Variants in PTPRG observed in about 807,000 individuals in gnomAD.
PTPRG encodes receptor-type tyrosine-protein phosphatase gamma.
Under a neutral mutation model 165.3 loss-of-function variants are expected in PTPRG, and 102 were observed. The ratio of observed to expected loss-of-function variants is 0.62; its 90% confidence interval spans 0.53 to 0.73. The LOEUF (loss-of-function observed/expected upper bound fraction) is 0.73. Among genes scored for constraint, PTPRG ranks in the 30% least tolerant of loss-of-function variants. The pLI is 0.00. For missense variants in PTPRG, 1,866 were observed against 1,861.4 expected (o/e 1.00, Z -0.05); for synonymous variants, 675 against 669.5 (o/e 1.01, Z -0.13).
At chr3:62,053,333 C>T (rs1238421052) in intron 4 of PTPRG, among the ~76,000 whole-genome samples, 1 of 141,054 alleles carries the variant, frequency 7.1e-6, no homozygotes, top group African/African-American at 2.6e-5. Flanking sequence ...GTGGTGCTAT[C>T]TCAGCTCACT....
intron 2 of PTPRG, among the ~76,000 whole-genome samples, chr3:61,907,806 G>T (rs534493520): frequency 3.9e-5 from 6 of 152,090 alleles, no homozygotes; most frequent in Non-Finnish European, 8.8e-5. Context: ...AGAGACCAAG[G>T]TACAGGTCTG....
chr3:62,074,334 CTTTCT>C (rs370443593), intron 4 of PTPRG, among the ~76,000 whole-genome samples: 10 of 129,240 alleles, frequency 7.7e-5, no homozygotes, highest in Non-Finnish European at 1.2e-4. Flanking sequence ...TCTTTTTTTC[CTTTCT>C]TTTCTTTTCT....
chr3:61,802,726 C>T (rs1383185581), intron 2 of PTPRG, among the ~76,000 whole-genome samples: 1 of 152,018 alleles, frequency 6.6e-6, no homozygotes, highest in Non-Finnish European at 1.5e-5. Flanking sequence ...TGTGGAGAGC[C>T]TCTTTGTATG....
chr3:62,157,137 G>T lies in PTPRG; in HGVS notation c.753G>T (p.Arg251=), dbSNP rs946861469. 12 of 1,613,162 alleles carry T rather than the reference G, an allele frequency of 7.4e-6. No homozygotes were observed. The African/African-American group carries it at 1.6e-4, about 22-fold the overall frequency. The stretch of plus-strand genomic sequence containing the variant: ...CTGCATCCCTGGGCAGCTATTATCG[G>T]TACACAGGTTCCTTGACCACACCAC... ...LLPASLGSYY[R]YTGSLTTPPC... Residue 251 remains arginine, a synonymous_variant, in exon 7 of 30, where the codon CGG becomes CGT. Transcript: ENST00000474889.
At chr3:61,851,033 C>CTT (rs1236475354) in intron 2 of PTPRG, among the ~76,000 whole-genome samples, 1 of 152,188 alleles carries the variant, frequency 6.6e-6, no homozygotes, top group African/African-American at 2.4e-5. Context: ...AACTCTCCCT[C>CTT]TTTTTGCCTG....
intron 4 of PTPRG, among the ~76,000 whole-genome samples, chr3:62,010,249 T>C (rs1407704713): frequency 1.3e-5 from 2 of 152,176 alleles, no homozygotes; most frequent in Non-Finnish European, 2.9e-5. Flanking sequence ...AAATACTTTC[T>C]TGAAGATTTA....
intron 2 of PTPRG, among the ~76,000 whole-genome samples, chr3:61,868,311 T>C (rs1332947833): frequency 1.3e-5 from 2 of 152,186 alleles, no homozygotes; most frequent in Non-Finnish European, 2.9e-5. Flanking sequence ...TACAATCTTC[T>C]CACAATTTCT....
chr3:61,677,454 C>G (rs1053038974), intron 1 of PTPRG, among the ~76,000 whole-genome samples: 2 of 152,120 alleles, frequency 1.3e-5, no homozygotes, highest in African/African-American at 2.4e-5. Context: ...AGTTGCACAG[C>G]TAGATATAGA....
At chr3:61,607,037 G>T (rs1701029970) in intron 1 of PTPRG, among the ~76,000 whole-genome samples, 1 of 152,218 alleles carries the variant, frequency 6.6e-6, no homozygotes, top group Non-Finnish European at 1.5e-5. Flanking sequence ...CAGCCTCAGG[G>T]AATAGCATTG....
intron 4 of PTPRG, among the ~76,000 whole-genome samples, chr3:62,019,612 T>C (rs2107757037): frequency 6.6e-6 from 1 of 152,052 alleles, no homozygotes; most frequent in Non-Finnish European, 1.5e-5. Context: ...CAATGTATAC[T>C]TGAAAATTGC....
In PTPRG at chr3:62,033,043, A is replaced by G. The variant is rs1559757704; in HGVS notation, c.519+29546A>G. 3.3e-5 allele frequency among the ~76,000 whole-genome samples: 5 copies of G among 152,308 alleles called. No homozygotes were observed. The South Asian group carries it at 1.0e-3, about 32-fold the overall frequency. On this transcript the variant is annotated intron_variant, in intron 4 of 29. Transcript: ENST00000474889. ...ACATTGGATGTTCAATTTGCCTGTG[A>G]CATGCTGGTATAGATGCCCTATAAA...
chr3:61,939,770 A>G (rs907017150), intron 2 of PTPRG, among the ~76,000 whole-genome samples: 3 of 152,092 alleles, frequency 2.0e-5, no homozygotes, highest in Non-Finnish European at 4.4e-5. Context: ...TCATGAAGAG[A>G]TGGAGTTTCT....
intron 1 of PTPRG, among the ~76,000 whole-genome samples, chr3:61,565,459 T>C (rs185276782): frequency 6.6e-6 from 1 of 152,208 alleles, no homozygotes; most frequent in African/African-American, 2.4e-5. Flanking sequence ...CCCCAACACC[T>C]TATTATTTTA....
At chr3:62,179,120 A>G (rs983563231) in intron 8 of PTPRG, among the ~76,000 whole-genome samples, 1 of 152,224 alleles carries the variant, frequency 6.6e-6, no homozygotes, top group African/African-American at 2.4e-5. Flanking sequence ...GTATCTGTCC[A>G]GGAATATGGA....
chr3:61,753,705 C>T (rs1949694), intron 2 of PTPRG: 9,375 of 408,282 alleles, frequency 0.023, 245 homozygotes, highest in African/African-American at 0.084. Flanking sequence ...GCAATTCTCA[C>T]GCTTCAGCCT....
intron 1 of PTPRG, among the ~76,000 whole-genome samples, chr3:61,658,784 A>G (rs557938366): frequency 5.3e-5 from 8 of 152,326 alleles, no homozygotes; most frequent in Middle Eastern, 3.4e-3. Context: ...ACTCATGGCC[A>G]TGATCTAGTG....
chr3:62,003,598 A>G (rs1340828876), intron 4 of PTPRG, 101 bp downstream of exon 4: 1 of 1,418,538 alleles, frequency 7.0e-7, no homozygotes, highest in African/African-American at 1.4e-5. Flanking sequence ...TCACAGCTGT[A>G]CAGTACCTAA....
chr3:61,975,216 G>A (rs938079621), intron 2 of PTPRG, among the ~76,000 whole-genome samples: 9 of 152,188 alleles, frequency 5.9e-5, no homozygotes, highest in African/African-American at 2.2e-4. Context: ...CCGTTTACTA[G>A]GGGAATGATC....
chr3:61,968,840 G>T (rs1389889111), intron 2 of PTPRG, among the ~76,000 whole-genome samples: 1 of 152,154 alleles, frequency 6.6e-6, no homozygotes, highest in Non-Finnish European at 1.5e-5. Context: ...AAGAAAATCT[G>T]TGCTATGGCA....
Sources: allele counts gnomAD v4.1 joint callset (sites outside exome capture counted in the v4.1 genomes callset), GRCh38; gene constraint gnomAD v4.1.1; transcripts MANE v1.5; gene names NCBI Gene and HGNC (gene_info 2026-07-23, HGNC 2026-07-21).